The following LY86 variants were observed in gnomAD, a reference collection of about 807,000 sequenced individuals.
The protein encoded by LY86 is MD-1, RP105-associated.
Under a neutral mutation model 17.3 loss-of-function variants are expected in LY86, and 20 were observed. The ratio of observed to expected loss-of-function variants is 1.15; its 90% confidence interval spans 0.81 to 1.68. The LOEUF is 1.68. Ranked by LOEUF, LY86 falls within the 40% of genes most tolerant of loss-of-function variation. The pLI is 0.00. For missense variants in LY86, 200 were observed against 191.9 expected (o/e 1.04, Z -0.25); for synonymous variants, 74 against 70.6 (o/e 1.05, Z -0.24).
chr6:6,649,408 G>A (rs1297889815), intron 3 of LY86, among the ~76,000 whole-genome samples: 1 of 152,228 alleles, frequency 6.6e-6, no homozygotes, highest in African/African-American at 2.4e-5. Flanking sequence ...GATCCCCAGG[G>A]CCTGCCACAT....
intron 3 of LY86, among the ~76,000 whole-genome samples, chr6:6,640,425 A>G (rs921532551): frequency 6.6e-6 from 1 of 151,438 alleles, no homozygotes; most frequent in Admixed American, 6.6e-5. Context: ...AAAAGGCAGG[A>G]GGGGGCAGGG....
chr6:6,607,316 G>A (rs1448662216), intron 1 of LY86, among the ~76,000 whole-genome samples: 4 of 152,194 alleles, frequency 2.6e-5, no homozygotes, highest in African/African-American at 4.8e-5. Context: ...TCACTGTCAT[G>A]TGTTTTTTGC....
At chr6:6,593,051 G>T (rs958237016) in intron 1 of LY86, among the ~76,000 whole-genome samples, 1 of 152,240 alleles carries the variant, frequency 6.6e-6, no homozygotes, top group African/African-American at 2.4e-5. Flanking sequence ...TTCGTTTCCT[G>T]TTGTTGCTGT....
At chr6:6,605,603 A>C (rs562519958) in intron 1 of LY86, among the ~76,000 whole-genome samples, 1 of 152,270 alleles carries the variant, frequency 6.6e-6, no homozygotes, top group Non-Finnish European at 1.5e-5. Flanking sequence ...GTCTCATGAC[A>C]TTGCAGCCTC....
Position 6,588,793 on chromosome 6 carries a change from G to T in LY86, c.59G>T (p.Gly20Val), listed in dbSNP as rs532377967. ...LWTLIFPSCS[G>V]GGGGKAWPTH... ...ACTCTGATTTTTCCCAGCTGCAGTG[G>T]AGGCGGCGGTGGGAAAGCCTGGCCC... Residue 20 changes from glycine to valine, a missense_variant, in exon 1 of 5, where the codon GGA becomes GTA. Physicochemically the swap from Gly to Val is moderately radical, Grantham distance 109. Coordinates refer to ENST00000230568, the MANE Select transcript of LY86 (RefSeq NM_004271.4). 9.9e-6 allele frequency: 16 copies of T among 1,614,190 alleles called. No homozygotes were observed. In the South Asian group the frequency reaches 1.6e-4, roughly 17 times the overall value.
At chr6:6,623,198 C>T (rs570266009) in intron 1 of LY86, among the ~76,000 whole-genome samples, 1 of 152,278 alleles carries the variant, frequency 6.6e-6, no homozygotes, top group African/African-American at 2.4e-5. Flanking sequence ...AAAGAAAGGA[C>T]CCCTGAAGGC....
intron 1 of LY86, among the ~76,000 whole-genome samples, chr6:6,605,999 A>AG (rs1761127211): frequency 1.3e-5 from 2 of 151,646 alleles, no homozygotes; most frequent in Non-Finnish European, 3.0e-5. Flanking sequence ...ATTTACTGCG[A>AG]AAAGCAAAAG....
At chr6:6,639,516 G>A (rs1449444157) in intron 3 of LY86, among the ~76,000 whole-genome samples, 3 of 152,166 alleles carry the variant, frequency 2.0e-5, no homozygotes, top group African/African-American at 4.8e-5. Flanking sequence ...ATAGAATTGT[G>A]TTTCTTCTGG....
At chr6:6,597,262 G>C (rs1011063270) in intron 1 of LY86, among the ~76,000 whole-genome samples, 2 of 152,208 alleles carry the variant, frequency 1.3e-5, no homozygotes, top group African/African-American at 2.4e-5. Context: ...AGCTCCAGTA[G>C]TGCAGCCAGC....
chr6:6,600,089 G>A (rs548302204), intron 1 of LY86, among the ~76,000 whole-genome samples: 1 of 152,260 alleles, frequency 6.6e-6, no homozygotes, highest in Non-Finnish European at 1.5e-5. Context: ...AGAGATCACT[G>A]GGGGCTCCTT....
At chr6:6,646,463 A>G (rs528330918) in intron 3 of LY86, among the ~76,000 whole-genome samples, 5 of 151,718 alleles carry the variant, frequency 3.3e-5, no homozygotes, top group African/African-American at 1.2e-4. Context: ...CAGTTCTTTC[A>G]CCCCCTTACT....
intron 1 of LY86, among the ~76,000 whole-genome samples, chr6:6,602,940 A>G (rs1760957710): frequency 6.6e-6 from 1 of 150,824 alleles, no homozygotes; most frequent in Non-Finnish European, 1.5e-5. Flanking sequence ...AGGCTGCCAT[A>G]AAAAAGTACT....
chr6:6,594,093 T>A (rs1210256438), intron 1 of LY86, among the ~76,000 whole-genome samples: 38 of 152,254 alleles, frequency 2.5e-4, no homozygotes. Flanking sequence ...CCCAGCGTTA[T>A]AATTTCACAT....
intron 3 of LY86, among the ~76,000 whole-genome samples, chr6:6,646,199 A>G (rs148370565): frequency 1.1e-3 from 170 of 152,278 alleles, no homozygotes; most frequent in African/African-American, 3.7e-3. Context: ...ACCACATATT[A>G]GTTACAGTGC....
chr6:6,604,103 G>A lies in LY86; in HGVS notation c.136+15233G>A, dbSNP rs142044074. On this transcript the variant is annotated intron_variant, in intron 1 of 4. Transcript: ENST00000230568. ...TGGTTCTTGATTGGGAACATCTGAG[G>A]CATATAGGCAGAAGGAAATATTAAT... is the stretch of plus-strand genomic sequence containing the variant. Among the ~76,000 whole-genome samples the A allele has an allele frequency of 9.3e-3, 1,417 of 152,172 alleles. 21 individuals are homozygous for A. Among genetic ancestry groups the A allele is most frequent in the African/African-American group, 0.032 (1,347 of 41,520 alleles).
At chr6:6,597,148 G>C (rs751132769) in intron 1 of LY86, among the ~76,000 whole-genome samples, 6 of 152,210 alleles carry the variant, frequency 3.9e-5, no homozygotes, top group African/African-American at 1.4e-4. Context: ...GAGGTCCTGG[G>C]CATGGTTTCA....
Position 6,594,926 on chromosome 6 carries a change from C to T in LY86, c.136+6056C>T, listed in dbSNP as rs1029411706. On this transcript the variant is annotated intron_variant, in intron 1 of 4. Transcript: ENST00000230568. ...GATACAAACCTATGTGTCCTTACTG[C>T]ATGCTCAGTGACATAGAGCTATGTC... Among the ~76,000 whole-genome samples the T allele has an allele frequency of 3.3e-5, 5 of 152,120 alleles. No individual in the cohort carries two copies. The East Asian group carries it at 9.6e-4, about 29-fold the overall frequency.
intron 3 of LY86, among the ~76,000 whole-genome samples, chr6:6,640,603 C>T (rs1439722137): frequency 3.3e-5 from 5 of 151,726 alleles, no homozygotes; most frequent in Non-Finnish European, 5.9e-5. Context: ...GTCCTGGCTA[C>T]TTGGGAGGCT....
intron 1 of LY86, among the ~76,000 whole-genome samples, chr6:6,612,744 C>T (rs1025784125): frequency 6.6e-6 from 1 of 152,170 alleles, no homozygotes; most frequent in African/African-American, 2.4e-5. Flanking sequence ...TCTCCAGTTC[C>T]CCACTAGATT....
Sources: gnomAD v4.1 joint callset for allele counts (sites outside exome capture counted in the v4.1 genomes callset) on GRCh38, gnomAD v4.1.1 for gene constraint, MANE v1.5 for transcripts, NCBI Gene and HGNC (gene_info 2026-07-23, HGNC 2026-07-21) for gene names.